ZHX3: variants seen among roughly 807,000 people sequenced by gnomAD.
The protein encoded by ZHX3 is zinc fingers and homeoboxes protein 3.
A neutral mutation model predicts 64.5 loss-of-function variants in ZHX3; 20 were observed. The observed-to-expected ratio is 0.31, with a 90% CI of 0.22 to 0.45. The LOEUF (loss-of-function observed/expected upper bound fraction) is 0.45. Ranked by LOEUF, ZHX3 falls within the 20% of genes least tolerant of loss-of-function variation. ZHX3 has a pLI of 1.00. For missense variants in ZHX3, 1,041 were observed against 1,195.8 expected (o/e 0.87, Z 1.91); for synonymous variants, 423 against 461.6 (o/e 0.92, Z 1.07).
At chr20:41,279,548 A>T (rs577847628) in intron 1 of ZHX3, among the ~76,000 whole-genome samples, 2 of 152,326 alleles carry the variant, frequency 1.3e-5, no homozygotes, top group East Asian at 1.9e-4. Context: ...GTATTTGAGG[A>T]CTTCTTGTTC....
intron 2 of ZHX3, among the ~76,000 whole-genome samples, chr20:41,263,070 A>T (rs1294481248): frequency 6.6e-6 from 1 of 152,230 alleles, no homozygotes; most frequent in Non-Finnish European, 1.5e-5. Flanking sequence ...GAGAAGAAAC[A>T]ACAAATACAA....
At chr20:41,252,390 C>T (rs1289835474) in intron 2 of ZHX3, among the ~76,000 whole-genome samples, 3 of 152,110 alleles carry the variant, frequency 2.0e-5, no homozygotes, top group Non-Finnish European at 4.4e-5. Context: ...TCTTAGGCCT[C>T]GCCACTGAGC....
At chr20:41,291,903 C>T (rs780313224) in intron 1 of ZHX3, among the ~76,000 whole-genome samples, 6 of 149,790 alleles carry the variant, frequency 4.0e-5, no homozygotes, top group Non-Finnish European at 8.9e-5. Context: ...TCAAGCCTGG[C>T]AAGGTGGCGT....
chr20:41,251,545 A>G (rs1345120542), intron 2 of ZHX3, among the ~76,000 whole-genome samples: 5 of 152,214 alleles, frequency 3.3e-5, no homozygotes, highest in Non-Finnish European at 5.9e-5. Flanking sequence ...AATAAATGGC[A>G]GATTAAAGCT....
chr20:41,188,395 C>A (rs1568781939), intron 3 of ZHX3: 2 of 139,576 alleles, frequency 1.4e-5, no homozygotes, highest in East Asian at 4.1e-4. Context: ...TTTGTCCCCC[C>A]ACCCACCCCC....
intron 2 of ZHX3, among the ~76,000 whole-genome samples, chr20:41,260,933 C>CA (rs1489987726): frequency 1.3e-5 from 2 of 152,228 alleles, no homozygotes; most frequent in Non-Finnish European, 2.9e-5. Flanking sequence ...TAGCACTACA[C>CA]AATCCTGTTG....
intron 1 of ZHX3, among the ~76,000 whole-genome samples, chr20:41,310,122 T>C (rs1434154020): frequency 1.3e-5 from 2 of 152,146 alleles, no homozygotes; most frequent in Non-Finnish European, 2.9e-5. Flanking sequence ...GTTCCTCTGC[T>C]CCACTGTCTT....
chr20:41,212,844 C>T lies in ZHX3; in HGVS notation c.-150-7778G>A, dbSNP rs2039265705. 6.6e-6 allele frequency among the ~76,000 whole-genome samples: 1 copy of T among 151,362 alleles called. No homozygotes were observed. The highest frequency in any genetic ancestry group is 2.4e-5 in the African/African-American group (1 of 41,244). On this transcript the variant is annotated intron_variant, in intron 2 of 3. Coordinates refer to ENST00000683867, the MANE Select transcript of ZHX3 (RefSeq NM_001384317.1). The surrounding 1 kb of genome is among the most constrained non-coding windows in gnomAD (Gnocchi z 4.3). ...AAACAAAACAAAAAAAACAAAACAC[C>T]AGCAATTTAATTCCTAAGTATATAC...
In ZHX3 at chr20:41,317,725, T is replaced by TCTGCTCGGCC. The variant is rs2146860074; in HGVS notation, c.-462_-461insGGCCGAGCAG. 1 of 151,856 alleles carries TCTGCTCGGCC rather than the reference T, an allele frequency of 6.6e-6. No individual in the cohort carries two copies. Among genetic ancestry groups the TCTGCTCGGCC allele is most frequent in the East Asian group, 1.9e-4 (1 of 5,154 alleles). The allele number at this position is 151,856 out of a possible 1,614,324, so 9.4% of individuals were successfully genotyped here. On this transcript the variant is annotated 5_prime_UTR_variant, in exon 1 of 4. Coordinates refer to ENST00000683867, the MANE Select transcript of ZHX3 (RefSeq NM_001384317.1). ...TCGGCCGCTCTCGGAGGCGCTCGGC[T>TCTGCTCGGCC]CTGCTCGGCCTTGCACGGCTCCCCT...
At chr20:41,254,502 C>T (rs972695720) in intron 2 of ZHX3, 2 of 152,192 alleles carry the variant, frequency 1.3e-5, no homozygotes, top group African/African-American at 4.8e-5. Context: ...ATGGGCATCA[C>T]AGCAGATTAT....
At chr20:41,279,468 C>A (rs957577730) in intron 1 of ZHX3, among the ~76,000 whole-genome samples, 3 of 152,212 alleles carry the variant, frequency 2.0e-5, no homozygotes, top group South Asian at 4.2e-4. Flanking sequence ...TAAACCACCT[C>A]AAGTTCCTCT....
chr20:41,287,785 G>T (rs760638691), intron 1 of ZHX3, among the ~76,000 whole-genome samples: 27 of 152,180 alleles, frequency 1.8e-4, no homozygotes, highest in Admixed American at 5.2e-4. Flanking sequence ...ATGAGAGACT[G>T]TGAGCCAGAG....
chr20:41,206,198 A>G (rs1035889560), intron 2 of ZHX3, among the ~76,000 whole-genome samples: 4 of 152,208 alleles, frequency 2.6e-5, no homozygotes, highest in African/African-American at 9.6e-5. Flanking sequence ...ATGGGGAGAA[A>G]CCAGAGCAGA....
chr20:41,185,320 G>T lies in ZHX3; in HGVS notation c.2861-119C>A. ...GGCTTTGAGGACCTCTTAATTCCATGAGCAATGAATGGCCTTCTGCCACCC... is the reference window on the plus strand; with the variant it reads ...GGCTTTGAGGACCTCTTAATTCCATTAGCAATGAATGGCCTTCTGCCACCC... On this transcript the variant is annotated intron_variant, in intron 3 of 3. Transcript: ENST00000683867. This position sits in a 1 kb window ranked among gnomAD's most constrained non-coding sequence, Gnocchi z 5.0. 1.6e-6 allele frequency: 2 copies of T among 1,238,880 alleles called. No individual in the cohort carries two copies. The highest frequency in any genetic ancestry group is 2.2e-6 in the Non-Finnish European group (2 of 898,128). 76.7% of individuals were successfully genotyped at this position (1,238,880 alleles called of 1,614,324 possible).
chr20:41,198,298 T>C (rs907427034), intron 3 of ZHX3, among the ~76,000 whole-genome samples: 7 of 152,022 alleles, frequency 4.6e-5, no homozygotes, highest in Admixed American at 2.6e-4. Context: ...ACCTGGCCTA[T>C]TTTTTCTTAT....
At chr20:41,282,361 C>CTTTTTTTTTTTTTTTTTTTT (rs568284480) in intron 1 of ZHX3, among the ~76,000 whole-genome samples, 7 of 97,210 alleles carry the variant, frequency 7.2e-5, no homozygotes, top group Non-Finnish European at 9.8e-5. Flanking sequence ...CACAATTCAT[C>CTTTTTTTTTTTTTTTTTTTT]TTTTTTTTTT....
chr20:41,306,165 C>T (rs1326925529), intron 1 of ZHX3, among the ~76,000 whole-genome samples: 11 of 152,204 alleles, frequency 7.2e-5, no homozygotes, highest in South Asian at 4.1e-4. Flanking sequence ...TGTTAATATT[C>T]AGTTCAAGCA....
In ZHX3 at chr20:41,226,265, C is replaced by T. The variant is rs779190610; in HGVS notation, c.-150-21199G>A. Reference sequence around the variant, plus strand: ...ACAAAAAATTAGCCGGGCGTGCTGGCGAATGGCATGAACGCGGGAGGTGGA... The same window carrying T: ...ACAAAAAATTAGCCGGGCGTGCTGGTGAATGGCATGAACGCGGGAGGTGGA... On this transcript the variant is annotated intron_variant, in intron 2 of 3. Transcript: ENST00000683867. The surrounding 1 kb of genome is among the most constrained non-coding windows in gnomAD (Gnocchi z 4.4). Among the ~76,000 whole-genome samples, 4 of 151,988 alleles carry T rather than the reference C, an allele frequency of 2.6e-5. No individual in the cohort carries two copies. The East Asian group carries it at 5.8e-4, about 22-fold the overall frequency.
Position 41,203,644 on chromosome 20 carries a change from G to A in ZHX3, c.1273C>T (p.Leu425Phe), listed in dbSNP as rs1469000115. The A allele has an allele frequency of 6.2e-7, 1 of 1,614,228 alleles. No homozygotes were observed. The highest frequency in any genetic ancestry group is 8.5e-7 in the Non-Finnish European group (1 of 1,180,030). ...GCCATCAATGGCTGAGTGACCAGAAGTCCCCCTCCTGTACCCTCTGGCTGC... is the reference window on the plus strand; with the variant it reads ...GCCATCAATGGCTGAGTGACCAGAAATCCCCCTCCTGTACCCTCTGGCTGC... Reference protein sequence around the residue: ...VGQPEGTGGGLLVTQPLMANG... With the variant: ...VGQPEGTGGGFLVTQPLMANG... The change falls in exon 3 of 4, where the codon CTT (leucine) becomes TTT (phenylalanine). Residue 425 changes from leucine to phenylalanine, a missense_variant. This residue lies in a region of ZHX3 where 649 missense variants were observed against 739.8 expected (regional missense o/e 0.88). Transcript: ENST00000683867. The surrounding 1 kb of genome is among the most constrained non-coding windows in gnomAD (Gnocchi z 7.1).
Sources: allele counts gnomAD v4.1 joint callset (sites outside exome capture counted in the v4.1 genomes callset), GRCh38; gene constraint gnomAD v4.1.1; regional missense constraint gnomAD v4.1.1; non-coding constraint Gnocchi (gnomAD v3.1); transcripts MANE v1.5; gene names NCBI Gene and HGNC (gene_info 2026-07-23, HGNC 2026-07-21).